STARD13: variants seen among roughly 807,000 people sequenced by gnomAD.
STARD13 encodes stAR-related lipid transfer protein 13.
Under a neutral mutation model 106.4 loss-of-function variants are expected in STARD13, and 62 were observed. The ratio of observed to expected loss-of-function variants is 0.58; its 90% CI spans 0.48 to 0.72. The LOEUF (loss-of-function observed/expected upper bound fraction) is 0.72, where lower values mean the gene tolerates loss of function less well. Ranked by LOEUF, STARD13 falls within the 30% of genes least tolerant of loss-of-function variation. The pLI, the probability that STARD13 is intolerant of heterozygous loss-of-function variation, is 0.00. For missense variants in STARD13, 1,387 were observed against 1,424.0 expected (o/e 0.97, Z 0.42); for synonymous variants, 565 against 553.0 (o/e 1.02, Z -0.31).
the STARD13 span, among the ~76,000 whole-genome samples, chr13:33,644,499 C>G: frequency 2.9e-3 from 438 of 152,134 alleles, no homozygotes; most frequent in Non-Finnish European, 5.0e-3. Flanking sequence ...CTCACATACA[C>G]ATACAGAGAT....
chr13:33,106,649 G>T, intron 13 of STARD13, 109 bp downstream of exon 13: 2 of 1,054,322 alleles, frequency 1.9e-6, no homozygotes, highest in Non-Finnish European at 2.7e-6. Context: ...ATGGCAATGA[G>T]GAAACAAATA....
chr13:33,123,055 C>CAAAAAAAAAAAAAAAAAAA (rs71071079), intron 7 of STARD13, among the ~76,000 whole-genome samples: 1 of 45,842 alleles, frequency 2.2e-5, no homozygotes, highest in Non-Finnish European at 3.8e-5. Flanking sequence ...GACTCCATCT[C>CAAAAAAAAAAAAAAAAAAA]AAAAAAAAAA....
the STARD13 span, among the ~76,000 whole-genome samples, chr13:33,563,906 G>T: frequency 6.8e-6 from 1 of 147,188 alleles, no homozygotes; most frequent in Admixed American, 6.9e-5. Context: ...TTTAAAAAGG[G>T]CACGGCTGGG....
the STARD13 span, chr13:33,611,290 C>G: frequency 6.6e-6 from 1 of 152,264 alleles, no homozygotes; most frequent in African/African-American, 2.4e-5. Context: ...CCCTCTCCCC[C>G]AGAATCAGGA....
At chr13:33,614,775 G>A in the STARD13 span, among the ~76,000 whole-genome samples, 22 of 152,212 alleles carry the variant, frequency 1.4e-4, no homozygotes, top group Non-Finnish European at 2.6e-4. Flanking sequence ...CAAGCATCAA[G>A]TGCATGAGCC....
intron 1 of STARD13, among the ~76,000 whole-genome samples, chr13:33,219,030 T>A (rs1490576914): frequency 6.6e-6 from 1 of 152,220 alleles, no homozygotes; most frequent in African/African-American, 2.4e-5. Context: ...CTTCCCTTTC[T>A]AATTTTAAAA....
At chr13:33,416,287 A>G in the STARD13 span, among the ~76,000 whole-genome samples, 3 of 152,230 alleles carry the variant, frequency 2.0e-5, no homozygotes, top group African/African-American at 7.2e-5. Context: ...ATTTTCAAAA[A>G]CTATATAATG....
chr13:33,395,254 T>C, the STARD13 span, among the ~76,000 whole-genome samples: 9 of 152,202 alleles, frequency 5.9e-5, no homozygotes, highest in African/African-American at 1.9e-4. Context: ...TGACATTAAC[T>C]GACAATGATA....
At chr13:33,246,245 T>A (rs920687735) in intron 1 of STARD13, among the ~76,000 whole-genome samples, 1 of 152,192 alleles carries the variant, frequency 6.6e-6, no homozygotes, top group African/African-American at 2.4e-5. Context: ...TAAGGAGAAG[T>A]GACTTAAGAT....
chr13:33,373,398 G>A, the STARD13 span, among the ~76,000 whole-genome samples: 389 of 152,104 alleles, frequency 2.6e-3, 5 homozygotes, highest in East Asian at 0.019. Context: ...ACTAAGCATC[G>A]TTTAACAACT....
At chr13:33,524,851 T>C in the STARD13 span, among the ~76,000 whole-genome samples, 2 of 152,236 alleles carry the variant, frequency 1.3e-5, no homozygotes, top group Non-Finnish European at 2.9e-5. Context: ...TTTTTGTGTG[T>C]GCGGTGGGAC....
At chr13:33,519,257 T>G in the STARD13 span, among the ~76,000 whole-genome samples, 3 of 149,396 alleles carry the variant, frequency 2.0e-5, no homozygotes, top group Non-Finnish European at 1.5e-5. Flanking sequence ...TCTTTCTTTC[T>G]TTCTTTCTTT....
At chr13:33,585,435 T>C in the STARD13 span, among the ~76,000 whole-genome samples, 2 of 152,104 alleles carry the variant, frequency 1.3e-5, no homozygotes, top group Non-Finnish European at 2.9e-5. Flanking sequence ...GGCTCAGATC[T>C]GTAATTTCAG....
the STARD13 span, among the ~76,000 whole-genome samples, chr13:33,407,460 T>G: frequency 6.6e-6 from 1 of 152,202 alleles, no homozygotes; most frequent in Non-Finnish European, 1.5e-5. Context: ...GCTTTTTGCA[T>G]TTTGGGTTTT....
chr13:33,493,248 ACACT>A, the STARD13 span, among the ~76,000 whole-genome samples: 1 of 152,294 alleles, frequency 6.6e-6, no homozygotes, highest in Non-Finnish European at 1.5e-5. Context: ...CAAGGCTCAG[ACACT>A]CACACAACCC....
the STARD13 span, among the ~76,000 whole-genome samples, chr13:33,366,558 A>T: frequency 6.6e-6 from 1 of 152,056 alleles, no homozygotes; most frequent in Non-Finnish European, 1.5e-5. The surrounding 1 kb of genome is among the most constrained non-coding windows in gnomAD (Gnocchi z 4.2). Context: ...TCCCTTTTAA[A>T]TTTTCTGAAC....
the STARD13 span, among the ~76,000 whole-genome samples, chr13:33,556,550 G>A: frequency 3.6e-4 from 55 of 152,274 alleles, 1 homozygote; most frequent in East Asian, 9.7e-3. Context: ...CCAAAGCATT[G>A]AGATTACAGA....
chr13:33,125,147 G>A (rs1876966744), intron 7 of STARD13, among the ~76,000 whole-genome samples: 1 of 152,156 alleles, frequency 6.6e-6, no homozygotes, highest in Non-Finnish European at 1.5e-5. Flanking sequence ...GTCTCTACAA[G>A]CATCACTAGC....
At chr13:33,173,719 T>C (rs1026167798) in intron 1 of STARD13, among the ~76,000 whole-genome samples, 1 of 152,248 alleles carries the variant, frequency 6.6e-6, no homozygotes, top group African/African-American at 2.4e-5. Context: ...TATTAATCAC[T>C]GAATATTCAA....
Sources: allele counts gnomAD v4.1 joint callset (sites outside exome capture counted in the v4.1 genomes callset), GRCh38; gene constraint gnomAD v4.1.1; non-coding constraint Gnocchi (gnomAD v3.1); transcripts MANE v1.5; gene names NCBI Gene and HGNC (gene_info 2026-07-23, HGNC 2026-07-21).